CCDC88A: variants seen among roughly 807,000 people sequenced by gnomAD.
CCDC88A encodes the protein coiled-coil and HOOK domain protein 88A, also known as girdin.
In CCDC88A, 54 loss-of-function variants were observed where a neutral mutation model predicts 234.3. That is an observed-to-expected ratio of 0.23 (90% confidence interval 0.19 to 0.29). The LOEUF is 0.29. Ranked by LOEUF, CCDC88A falls within the 10% of genes least tolerant of loss-of-function variation. CCDC88A has a pLI of 1.00. For synonymous variants in CCDC88A, 753 were observed against 737.8 expected (o/e 1.02, Z -0.33); for missense variants, 1,832 against 2,123.4 (o/e 0.86, Z 2.70).
intron 25 of CCDC88A, among the ~76,000 whole-genome samples, chr2:55,307,512 C>T (rs191188986): frequency 1.4e-4 from 22 of 151,956 alleles, no homozygotes; most frequent in African/African-American, 4.1e-4. Context: ...TGCACCACAA[C>T]GCCCGGCTAA....
intron 25 of CCDC88A, chr2:55,307,873 T>G (rs1681815168): frequency 6.6e-6 from 1 of 150,686 alleles, no homozygotes; most frequent in South Asian, 2.1e-4. Context: ...CTGAAAACCT[T>G]CGCCTCCCAG....
At chr2:55,344,298 C>G (rs533613820) in intron 11 of CCDC88A, 70 bp downstream of exon 11, 3 of 1,144,680 alleles carry the variant, frequency 2.6e-6, no homozygotes, top group South Asian at 4.1e-5. Flanking sequence ...CTTGCCAATA[C>G]AGGGAAATCA....
intron 7 of CCDC88A, among the ~76,000 whole-genome samples, chr2:55,359,508 G>A (rs1382071891): frequency 6.6e-6 from 1 of 151,654 alleles, no homozygotes; most frequent in Non-Finnish European, 1.5e-5. Flanking sequence ...AAAATAGTCT[G>A]ACTCAAAAAC....
At chr2:55,401,447 A>AAAAT (rs1334606165) in intron 2 of CCDC88A, among the ~76,000 whole-genome samples, 4 of 27,160 alleles carry the variant, frequency 1.5e-4, no homozygotes, top group African/African-American at 3.6e-4. Context: ...AAAAAAAAAA[A>AAAAT]ATATATATAT....
At chr2:55,410,156 GA>G (rs35541588) in intron 2 of CCDC88A, among the ~76,000 whole-genome samples, 1 of 152,138 alleles carries the variant, frequency 6.6e-6, no homozygotes, top group African/African-American at 2.4e-5. Context: ...TCTGTCCTTA[GA>G]AAAGACTGTG....
rs1685245759 is a variant in CCDC88A, at chr2:55,334,302, C to T, written c.2519G>A (p.Arg840Lys). The T allele has an allele frequency of 1.4e-6, 2 of 1,465,256 alleles. No individual in the cohort carries two copies. Among genetic ancestry groups the T allele is most frequent in the South Asian group, 1.6e-5 (1 of 61,166 alleles). 90.8% of individuals were successfully genotyped at this position (1,465,256 alleles called of 1,614,324 possible). ...TTTAATTTCTGCTTGTTGTCGGAGT[C>T]TCTTATTTTCCTTCTCCAATTGTTT... ...DKKQLEKENK[R>K]LRQQAEIKDT... Residue 840 changes from arginine (R) to lysine (K), a missense_variant, in exon 15 of 33, where the codon AGA becomes AAA. By Grantham distance (26) the Arg-to-Lys change is conservative. Around this residue, in one of 6 missense-constraint regions of CCDC88A, gnomAD observed 1,282 missense variants for 1,543.6 expected, o/e 0.83. Coordinates refer to ENST00000436346, the MANE Select transcript of CCDC88A (RefSeq NM_001365480.1). This position sits in a 1 kb window ranked among gnomAD's most constrained non-coding sequence, Gnocchi z 6.1.
chr2:55,380,221 G>A (rs900830215), intron 3 of CCDC88A, among the ~76,000 whole-genome samples: 5 of 152,074 alleles, frequency 3.3e-5, no homozygotes, highest in East Asian at 1.9e-4. Flanking sequence ...GGGCGACAGA[G>A]CGAGACTCCA....
chr2:55,296,563 AT>A, intron 29 of CCDC88A, 40 bp from the exon 30 acceptor site: 2 of 1,572,492 alleles, frequency 1.3e-6, no homozygotes, highest in Non-Finnish European at 1.7e-6. Context: ...CAATAATAGA[AT>A]TGAGATTAAT....
Position 55,309,211 on chromosome 2 carries a change from C to A in CCDC88A, c.4123G>T (p.Glu1375Ter). The A allele has an allele frequency of 6.4e-7, 1 of 1,553,692 alleles. No homozygotes were observed. The highest frequency in any genetic ancestry group is 2.3e-5 in the East Asian group (1 of 44,052). Residue 1375 changes from glutamate (E) to a stop codon, truncating the protein, a stop_gained, in exon 24 of 33, where the codon GAG (glutamate) becomes TAG (stop). Transcript: ENST00000436346. LOFTEE classifies it high-confidence loss of function. The surrounding 1 kb of genome is among the most constrained non-coding windows in gnomAD (Gnocchi z 5.1). ...AATTTGTATTGATCCATAATTTTCTCTTCTAGTTTCTCCTTCTGACGTCTT... is the reference window on the plus strand; with the variant it reads ...AATTTGTATTGATCCATAATTTTCTATTCTAGTTTCTCCTTCTGACGTCTT... ...ELRRQKEKLEEKIMDQYKFYD... is the reference protein window; with the variant it reads ...ELRRQKEKLE
At chr2:55,409,114 A>G (rs1574506985) in intron 2 of CCDC88A, among the ~76,000 whole-genome samples, 1 of 152,278 alleles carries the variant, frequency 6.6e-6, no homozygotes, top group East Asian at 1.9e-4. Flanking sequence ...ATCTCAAATA[A>G]GCCATCAACC....
rs751876849 is a variant in CCDC88A at position 55,372,549 on chromosome 2, T to C, written c.344-39A>G. The C allele has an allele frequency of 1.8e-5, 17 of 932,922 alleles. No homozygotes were observed. In the South Asian group the frequency reaches 1.9e-4, roughly 11 times the overall value. 57.8% of individuals were successfully genotyped at this position (932,922 alleles called of 1,614,324 possible). ...AATTATTAAGGACAACATTCTGCTA[T>C]ATTTTCAACTCTATTATATTTGGAG... On this transcript the variant is annotated intron_variant, in intron 4 of 32. Coordinates refer to ENST00000436346, the MANE Select transcript of CCDC88A (RefSeq NM_001365480.1).
chr2:55,363,075 G>A (rs1222291240), intron 6 of CCDC88A, among the ~76,000 whole-genome samples: 1 of 151,898 alleles, frequency 6.6e-6, no homozygotes, highest in African/African-American at 2.4e-5. Flanking sequence ...GCAATACTTA[G>A]CATTTATTCA....
intron 2 of CCDC88A, chr2:55,405,757 A>C (rs1679441167): frequency 6.6e-6 from 1 of 152,198 alleles, no homozygotes; most frequent in Non-Finnish European, 1.5e-5. Flanking sequence ...TCCTTATGAG[A>C]ATCTAATGGC....
At chr2:55,346,393 G>T in intron 9 of CCDC88A, 60 bp from the exon 10 acceptor site, 3 of 934,182 alleles carry the variant, frequency 3.2e-6, no homozygotes, top group Non-Finnish European at 4.7e-6. Context: ...GTTATTCTTT[G>T]TTGCACAATT....
intron 19 of CCDC88A, among the ~76,000 whole-genome samples, chr2:55,318,461 G>A (rs1683229409): frequency 1.3e-5 from 2 of 151,932 alleles, no homozygotes; most frequent in South Asian, 4.1e-4. Context: ...ACTTAGGAGA[G>A]GTCTAAAGAC....
chr2:55,336,597 G>C, intron 14 of CCDC88A, 84 bp downstream of exon 14: 1 of 829,980 alleles, frequency 1.2e-6, no homozygotes, highest in East Asian at 3.0e-5. Context: ...ATGTTTATAT[G>C]AACATTTTGT....
At position 55,388,849 on chromosome 2, in the gene CCDC88A, C is replaced by A; in HGVS notation, c.202G>T (p.Val68Phe). ...KLESQRVNKKVNNDASLRMHN... is the reference protein window; with the variant it reads ...KLESQRVNKKFNNDASLRMHN... Reference sequence around the variant, plus strand: ...ATTCTAAGTGAGGCATCATTATTGACTTTTTTATTTACTCTCTGACTCTCC... The same window carrying A: ...ATTCTAAGTGAGGCATCATTATTGAATTTTTTATTTACTCTCTGACTCTCC... The change falls in exon 3 of 33, where the codon GTC becomes TTC. Residue 68 changes from valine to phenylalanine, a missense_variant. Coordinates refer to ENST00000436346, the MANE Select transcript of CCDC88A (RefSeq NM_001365480.1). 6.5e-7 allele frequency: 1 copy of A among 1,528,396 alleles called. No homozygotes were observed. Among genetic ancestry groups the A allele is most frequent in the Non-Finnish European group, 8.9e-7 (1 of 1,119,042 alleles). The allele number at this position is 1,528,396 out of a possible 1,614,324, so 94.7% of individuals were successfully genotyped here.
Position 55,299,893 on chromosome 2 carries a change from C to A in CCDC88A, c.4771G>T (p.Gly1591Cys). 2.5e-6 allele frequency: 4 copies of A among 1,613,618 alleles called. No individual in the cohort carries two copies. The South Asian group carries it at 4.4e-5, about 18-fold the overall frequency. Residue 1591 changes from glycine (G) to cysteine (C), a missense_variant, in exon 29 of 33, where the codon GGC (glycine) becomes TGC (cysteine). Coordinates refer to ENST00000436346, the MANE Select transcript of CCDC88A (RefSeq NM_001365480.1). ...TTGCTATTGCTAGTGGATGTTCTGC[C>A]ACTATCAAGGCTGGCTGGTCTTGAA... The part of the protein sequence containing the change: ...HASRPASLDS[G>C]RTSTSNSNNN...
At chr2:55,362,745 C>A (rs1339359518) in intron 6 of CCDC88A, among the ~76,000 whole-genome samples, 1 of 151,980 alleles carries the variant, frequency 6.6e-6, no homozygotes, top group African/African-American at 2.4e-5. Flanking sequence ...CTGATGACTT[C>A]TTTAACAAAA....
Sources: gnomAD v4.1 joint callset for allele counts (sites outside exome capture counted in the v4.1 genomes callset) on GRCh38, gnomAD v4.1.1 for gene constraint, gnomAD v4.1.1 regional missense constraint, Gnocchi (gnomAD v3.1) non-coding constraint, MANE v1.5 for transcripts, NCBI Gene and HGNC (gene_info 2026-07-23, HGNC 2026-07-21) for gene names.